Variants in C4orf50 observed in about 807,000 individuals in gnomAD.
C4orf50 encodes the protein uncharacterized protein C4orf50.
In C4orf50, 80 loss-of-function variants were observed where a neutral mutation model predicts 77.2. The ratio of observed to expected loss-of-function variants is 1.04; its 90% confidence interval spans 0.87 to 1.25. The LOEUF (loss-of-function observed/expected upper bound fraction) is 1.25, where lower values mean the gene tolerates loss of function less well. Among genes scored for constraint, C4orf50 ranks in the 50% most tolerant of loss-of-function variants. The pLI is 0.00. For synonymous variants in C4orf50, 532 were observed against 465.3 expected (o/e 1.14, Z -1.84); for missense variants, 1,257 against 1,152.9 (o/e 1.09, Z -1.31).
chr4:5,935,144 G>C (rs901490901), intron 7 of C4orf50, among the ~76,000 whole-genome samples: 1 of 152,212 alleles, frequency 6.6e-6, no homozygotes, highest in Non-Finnish European at 1.5e-5. Context: ...TACAGGAGGA[G>C]CAGTTCTCAC....
At chr4:5,989,665 T>C (rs1246753513) in exon 28 of C4orf50, 1 of 1,536,130 alleles carries the variant, frequency 6.5e-7, no homozygotes, top group Non-Finnish European at 8.7e-7. Flanking sequence ...GTTGTGTCCT[T>C]TGCTCACAGC....
rs2108733991 is a variant in C4orf50 at position 5,916,235 on chromosome 4, T to C, written c.*2475-18047A>G. Among the ~76,000 whole-genome samples, 1 of 152,348 alleles carries C rather than the reference T, an allele frequency of 6.6e-6. No homozygotes were observed. Among genetic ancestry groups the C allele is most frequent in the East Asian group, 1.9e-4 (1 of 5,192 alleles). The stretch of plus-strand genomic sequence containing the variant: ...AGGGAACAGACGCACCAACAGCTCC[T>C]GGTTACTCTGGGGGGCCCATGCACA... On this transcript the variant is annotated intron_variant, in intron 7 of 7. Coordinates refer to the C4orf50 transcript ENST00000324058. The surrounding 1 kb of genome is among the most constrained non-coding windows in gnomAD (Gnocchi z 4.4).
At chr4:5,929,536 A>G (rs1031537283) in intron 7 of C4orf50, among the ~76,000 whole-genome samples, 2 of 152,276 alleles carry the variant, frequency 1.3e-5, no homozygotes, top group Non-Finnish European at 2.9e-5. Flanking sequence ...TTTTAATAAC[A>G]GGGACTTGTG....
chr4:5,987,616 G>A (rs528309219), intron 28 of C4orf50, among the ~76,000 whole-genome samples: 1 of 151,594 alleles, frequency 6.6e-6, no homozygotes, highest in African/African-American at 2.4e-5. Context: ...AAGGCAGGAG[G>A]GGGAGAGCAA....
intron 25 of C4orf50, among the ~76,000 whole-genome samples, chr4:5,999,877 T>C (rs1257913455): frequency 2.0e-5 from 3 of 152,118 alleles, no homozygotes; most frequent in African/African-American, 4.8e-5. Flanking sequence ...GGGTGGGCAC[T>C]AGAAGCTTCC....
intron 7 of C4orf50, among the ~76,000 whole-genome samples, chr4:5,928,363 T>TACACATAC (rs1717612163): frequency 6.8e-6 from 1 of 146,468 alleles, no homozygotes; most frequent in Non-Finnish European, 1.5e-5. Context: ...CACACACACA[T>TACACATAC]ACACACACAC....
intron 7 of C4orf50, among the ~76,000 whole-genome samples, chr4:5,950,852 G>C (rs1718683582): frequency 6.6e-6 from 1 of 152,220 alleles, no homozygotes; most frequent in African/African-American, 2.4e-5. Flanking sequence ...GAGACGATCA[G>C]TAAGCATTGA....
chr4:5,903,877 A>G (rs955599873), intron 7 of C4orf50: 11 of 152,200 alleles, frequency 7.2e-5, no homozygotes, highest in African/African-American at 2.7e-4. Context: ...ACAATTATAA[A>G]AAAAGTAAAT....
At chr4:5,961,713 G>A (rs765953463) in intron 33 of C4orf50, among the ~76,000 whole-genome samples, 26 of 152,180 alleles carry the variant, frequency 1.7e-4, no homozygotes, top group Non-Finnish European at 2.4e-4. Flanking sequence ...TTCAGTGGCC[G>A]AGTGATAGGA....
intron 25 of C4orf50, among the ~76,000 whole-genome samples, chr4:6,004,209 A>T (rs200464959): frequency 1.6e-5 from 1 of 61,434 alleles, no homozygotes; most frequent in Non-Finnish European, 3.6e-5. Flanking sequence ...GATGGTGATG[A>T]TGGTGATGGT....
intron 7 of C4orf50, among the ~76,000 whole-genome samples, chr4:5,940,935 G>T (rs1417698624): frequency 6.6e-6 from 1 of 152,126 alleles, no homozygotes; most frequent in African/African-American, 2.4e-5. Context: ...AGCACCAATG[G>T]CCAGACACAA....
At chr4:5,952,917 T>G, downstream of C4orf50, among the ~76,000 whole-genome samples, 1 of 152,230 alleles carries the variant, frequency 6.6e-6, no homozygotes, top group East Asian at 1.9e-4. This position sits in a 1 kb window ranked among gnomAD's most constrained non-coding sequence, Gnocchi z 4.4. Context: ...GTTTTGGTTT[T>G]GCCTAGAAAT....
At chr4:5,988,912 G>A (rs897918949) in exon 28 of C4orf50, 40 of 1,535,858 alleles carry the variant, frequency 2.6e-5, no homozygotes, top group East Asian at 4.9e-5. Context: ...TTGCTCCATC[G>A]TGTCTTTGGA....
At chr4:5,999,303 T>C (rs1397319073) in intron 25 of C4orf50, among the ~76,000 whole-genome samples, 1 of 152,214 alleles carries the variant, frequency 6.6e-6, no homozygotes, top group Non-Finnish European at 1.5e-5. Flanking sequence ...GGCAAGTGAC[T>C]TTACCTCCCT....
chr4:6,002,590 G>A (rs76506738), intron 25 of C4orf50, among the ~76,000 whole-genome samples: 20,561 of 152,128 alleles, frequency 0.14, 1,572 homozygotes, highest in East Asian at 0.22. Context: ...CTGTCCCTAG[G>A]CCTGTGGCTG....
At chr4:5,959,545 G>A (rs201256752) in exon 34 of C4orf50, 170 of 1,614,072 alleles carry the variant, frequency 1.1e-4, no homozygotes, top group Admixed American at 1.3e-4. Flanking sequence ...TCTTGCAGAC[G>A]TTGTGCGGGG....
chr4:5,988,376 C>A, exon 28 of C4orf50: 1 of 1,614,052 alleles, frequency 6.2e-7, no homozygotes, highest in Non-Finnish European at 8.5e-7. Context: ...GAGCTCAGAG[C>A]TTGCCCCTGA....
intron 7 of C4orf50, among the ~76,000 whole-genome samples, chr4:5,951,120 A>T (rs1718693916): frequency 6.6e-6 from 1 of 152,196 alleles, no homozygotes; most frequent in Non-Finnish European, 1.5e-5. Flanking sequence ...GACCAGAACT[A>T]GGGTCCCGTC....
At chr4:5,966,586 T>C (rs1487691267) in intron 32 of C4orf50, among the ~76,000 whole-genome samples, 2 of 151,928 alleles carry the variant, frequency 1.3e-5, no homozygotes, top group East Asian at 1.9e-4. Flanking sequence ...CTAGCCTAAG[T>C]TGCAGATCAG....
Sources: allele counts gnomAD v4.1 joint callset (sites outside exome capture counted in the v4.1 genomes callset), GRCh38; gene constraint gnomAD v4.1.1; non-coding constraint Gnocchi (gnomAD v3.1); transcripts MANE v1.5; gene names NCBI Gene and HGNC (gene_info 2026-07-23, HGNC 2026-07-21).